Variants in PUDP observed in about 807,000 individuals in gnomAD.
PUDP encodes pseudouridine 5'-phosphatase.
In PUDP, 8 loss-of-function variants were observed where a neutral mutation model predicts 9.4. That is an observed-to-expected ratio of 0.85 (90% CI 0.50 to 1.53). The LOEUF (loss-of-function observed/expected upper bound fraction) is 1.53. Among genes scored for constraint, PUDP ranks in the 40% most tolerant of loss-of-function variants. PUDP has a pLI of 0.00. For missense variants in PUDP, 188 were observed against 189.7 expected (o/e 0.99, Z 0.05); for synonymous variants, 99 against 80.7 (o/e 1.23, Z -1.22).
At chrX:7,029,410 G>C (rs767301628) in intron 1 of PUDP, among the ~76,000 whole-genome samples, 8 of 112,041 alleles carry the variant, frequency 7.1e-5, no homozygotes, top group Non-Finnish European at 1.5e-4. Context: ...GAAAGTGGTC[G>C]CTTAAATAAC....
At chrX:6,872,697 A>AT (rs1491522014) in intron 3 of PUDP, among the ~76,000 whole-genome samples, 1 of 69,438 alleles carries the variant, frequency 1.4e-5, no homozygotes, top group East Asian at 1.1e-3. Context: ...AGATTCCATT[A>AT]AAAAAAAAAA....
chrX:6,870,846 G>T (rs1927163840), intron 3 of PUDP, among the ~76,000 whole-genome samples: 1 of 111,014 alleles, frequency 9.0e-6, no homozygotes, highest in African/African-American at 3.3e-5. Context: ...TCAGGTGGAG[G>T]TTTTTTTTAT....
intron 3 of PUDP, among the ~76,000 whole-genome samples, chrX:7,059,801 G>C (rs1930349173): frequency 1.8e-5 from 2 of 112,224 alleles, no homozygotes; most frequent in Non-Finnish European, 3.8e-5. Flanking sequence ...AAGCTACAGA[G>C]GGGGCTTCCC....
chrX:7,000,019 G>A (rs1419150072), intron 1 of PUDP, among the ~76,000 whole-genome samples: 2 of 109,960 alleles, frequency 1.8e-5, no homozygotes, highest in Non-Finnish European at 3.8e-5. Flanking sequence ...GGGAGCTAGG[G>A]AAGGAACAAC....
chrX:7,053,191 T>C (rs1930149515), intron 3 of PUDP, among the ~76,000 whole-genome samples: 1 of 72,192 alleles, frequency 1.4e-5, no homozygotes, highest in South Asian at 1.0e-3. Flanking sequence ...TCCCCTGGGG[T>C]AACACTGCTT....
chrX:7,018,132 C>G (rs1929577676), intron 1 of PUDP, among the ~76,000 whole-genome samples: 1 of 111,717 alleles, frequency 9.0e-6, no homozygotes, highest in African/African-American at 3.3e-5. Context: ...CAAGAAATAA[C>G]CATAAAATGG....
intron 1 of PUDP, chrX:7,116,967 C>T (rs1323327577): frequency 5.1e-6 from 6 of 1,166,800 alleles, no homozygotes; most frequent in Non-Finnish European, 5.7e-6. Flanking sequence ...CCTGCTTACC[C>T]GTCCACCGTG....
intron 3 of PUDP, among the ~76,000 whole-genome samples, chrX:7,059,491 C>T (rs750657296): frequency 8.9e-6 from 1 of 111,793 alleles, no homozygotes; most frequent in Non-Finnish European, 1.9e-5. Context: ...ATTCATCTTA[C>T]GTAGCCTTCT....
At chrX:6,910,155 T>A (rs945877949) in intron 3 of PUDP, among the ~76,000 whole-genome samples, 11 of 112,125 alleles carry the variant, frequency 9.8e-5, no homozygotes, top group African/African-American at 3.6e-4. Flanking sequence ...CCTGAGCTTA[T>A]CAGACAGAAG....
intron 3 of PUDP, among the ~76,000 whole-genome samples, chrX:6,776,909 T>A (rs1053618932): frequency 1.8e-5 from 2 of 112,383 alleles, no homozygotes; most frequent in African/African-American, 6.5e-5. Flanking sequence ...TCCACACATC[T>A]CGGAATATTT....
chrX:6,738,960 T>C (rs1010775970), intron 3 of PUDP, among the ~76,000 whole-genome samples: 1 of 111,463 alleles, frequency 9.0e-6, no homozygotes, highest in African/African-American at 3.3e-5. Flanking sequence ...AGCAAAGAAA[T>C]AGAGGAAGAG....
At chrX:7,069,415 T>G (rs1930664564) in intron 3 of PUDP, among the ~76,000 whole-genome samples, 1 of 110,585 alleles carries the variant, frequency 9.0e-6, no homozygotes, top group South Asian at 3.9e-4. Flanking sequence ...TCGGGCTGGA[T>G]AAAGGCAGGA....
intron 1 of PUDP, among the ~76,000 whole-genome samples, chrX:6,981,815 C>A (rs991644457): frequency 9.0e-6 from 1 of 110,777 alleles, no homozygotes; most frequent in Non-Finnish European, 1.9e-5. Context: ...GGACACAGAC[C>A]TTCAGATTAG....
In PUDP at chrX:7,116,990, T is replaced by C. The variant is rs761841893; in HGVS notation, c.62-11152A>G. ...CCCGTCCACCGTGATTGTAAGCCTCTTGAGGACTCCCCCGAAGCAGCTGCC... is the reference window on the plus strand; with the variant it reads ...CCCGTCCACCGTGATTGTAAGCCTCCTGAGGACTCCCCCGAAGCAGCTGCC... On this transcript the variant is annotated intron_variant, in intron 1 of 3. Coordinates refer to ENST00000381077, the MANE Select transcript of PUDP (RefSeq NM_012080.5). 6.0e-6 allele frequency: 7 copies of C among 1,165,654 alleles called. No individual in the cohort carries two copies. In the African/African-American group the frequency reaches 1.3e-4, roughly 21 times the overall value.
intron 1 of PUDP, among the ~76,000 whole-genome samples, chrX:6,997,604 C>T (rs1929268550): frequency 8.9e-6 from 1 of 111,875 alleles, no homozygotes; most frequent in Non-Finnish European, 1.9e-5. Flanking sequence ...AGATTTCCAT[C>T]TAGAAAACTG....
intron 3 of PUDP, among the ~76,000 whole-genome samples, chrX:6,896,070 C>G (rs769576805): frequency 8.9e-6 from 1 of 112,008 alleles, no homozygotes; most frequent in East Asian, 2.8e-4. Context: ...CACAGATGTT[C>G]AGATTATAGC....
chrX:6,902,061 G>A (rs1366536122), intron 3 of PUDP, among the ~76,000 whole-genome samples: 4 of 110,284 alleles, frequency 3.6e-5, no homozygotes, highest in African/African-American at 1.3e-4. Flanking sequence ...TTTTTGTAAA[G>A]ATGGCGGGGG....
chrX:7,025,218 C>T lies in PUDP; in HGVS notation c.205-46875G>A, dbSNP rs1011296886. ...GAGCTGTGGCCAGCCTGTCAGAGCACGTCCTCTTCTTTCGGGCATATTCAG... is the reference window on the plus strand; with the variant it reads ...GAGCTGTGGCCAGCCTGTCAGAGCATGTCCTCTTCTTTCGGGCATATTCAG... On this transcript the variant is annotated intron_variant and NMD_transcript_variant, in intron 1 of 3. Transcript: ENST00000655425. Among the ~76,000 whole-genome samples the T allele has an allele frequency of 4.5e-5, 5 of 111,750 alleles. No homozygotes were observed. In the Admixed American group the frequency reaches 4.7e-4, roughly 11 times the overall value.
At position 7,083,717 on chromosome X, in the gene PUDP, A is replaced by G. The variant is rs1056716718; in HGVS notation, c.281-6268T>C. Among the ~76,000 whole-genome samples the G allele has an allele frequency of 2.9e-4, 32 of 110,794 alleles. 1 individual carries two copies. Among genetic ancestry groups the G allele is most frequent in the Non-Finnish European group, 4.5e-4 (24 of 52,990 alleles). On this transcript the variant is annotated intron_variant, in intron 2 of 3. Transcript: ENST00000381077. ...GGAGTTGCAGACCAGCCTGACCAAC[A>G]TGGTGAAATCCCATCTCTACTAAAA...
Sources: allele counts gnomAD v4.1 joint callset (sites outside exome capture counted in the v4.1 genomes callset), GRCh38; gene constraint gnomAD v4.1.1; transcripts MANE v1.5; gene names NCBI Gene and HGNC (gene_info 2026-07-23, HGNC 2026-07-21).